GLRX: variants seen among roughly 807,000 people sequenced by gnomAD.
GLRX encodes the protein glutaredoxin.
Under a neutral mutation model 11.1 loss-of-function variants are expected in GLRX, and 9 were observed. The ratio of observed to expected loss-of-function variants is 0.81; its 90% CI spans 0.49 to 1.42. The LOEUF is 1.42. Ranked by LOEUF, GLRX falls within the 40% of genes most tolerant of loss-of-function variation. The pLI, the probability that GLRX is intolerant of heterozygous loss-of-function variation, is 0.00. For synonymous variants in GLRX, 49 were observed against 49.5 expected, an observed-to-expected ratio of 0.99 and a Z score of 0.04; for missense variants, 102 against 126.2, an observed-to-expected ratio of 0.81 and a Z score of 0.92.
At chr5:95,822,371 G>A (rs1024543900) in intron 1 of GLRX, 85 bp downstream of exon 1, 10 of 832,276 alleles carry the variant, frequency 1.2e-5, no homozygotes, top group Non-Finnish European at 1.7e-5. Flanking sequence ...GTACGGAGCC[G>A]CAGCCTTATC....
intron 1 of GLRX, chr5:95,818,006 T>A (rs1747071846): frequency 6.6e-6 from 1 of 152,104 alleles, no homozygotes; most frequent in Admixed American, 6.5e-5. Flanking sequence ...AGTCTAAAAA[T>A]TAAAAACAAA....
rs1306369800 is a variant in GLRX, at chr5:95,822,668, T to C, written c.-6A>G. 5.0e-6 allele frequency: 8 copies of C among 1,612,812 alleles called. No homozygotes were observed. Among genetic ancestry groups the C allele is most frequent in the South Asian group, 4.4e-5 (4 of 91,050 alleles). ...TTCACAAACTCTTGAGCCATGCCGA[T>C]GGGCTGCGGTCTCCCCGGGAAGAAT... On this transcript the variant is annotated 5_prime_UTR_variant, in exon 1 of 3. Coordinates refer to ENST00000237858, the MANE Select transcript of GLRX (RefSeq NM_001118890.2).
intron 1 of GLRX, chr5:95,818,096 C>T (rs1747075150): frequency 6.6e-6 from 1 of 152,208 alleles, no homozygotes; most frequent in Non-Finnish European, 1.5e-5. Context: ...TGGAGCTGCC[C>T]CCCAGCCTCC....
chr5:95,816,987 A>C (rs1747023751), intron 1 of GLRX: 1 of 176,852 alleles, frequency 5.7e-6, no homozygotes, highest in Non-Finnish European at 1.2e-5. Context: ...CACACCTAAG[A>C]TTGTAAACTG....
At chr5:95,822,370 C>T (rs1747274460) in intron 1 of GLRX, 86 bp downstream of exon 1, 2 of 1,137,966 alleles carry the variant, frequency 1.8e-6, no homozygotes, top group Non-Finnish European at 2.7e-6. Context: ...AGTACGGAGC[C>T]GCAGCCTTAT....
intron 1 of GLRX, among the ~76,000 whole-genome samples, chr5:95,822,021 G>T (rs1299802219): frequency 6.6e-6 from 1 of 152,130 alleles, no homozygotes; most frequent in East Asian, 1.9e-4. Flanking sequence ...ATTAGAAAAA[G>T]AAAGCCTAGA....
chr5:95,817,188 G>A (rs1431489629), intron 1 of GLRX: 1 of 153,036 alleles, frequency 6.5e-6, no homozygotes, highest in African/African-American at 2.4e-5. Context: ...GCTGAGGTGG[G>A]AGGGTCGCTT....
At chr5:95,817,854 G>C in intron 1 of GLRX, 1 of 152,190 alleles carries the variant, frequency 6.6e-6, no homozygotes, top group East Asian at 1.9e-4. Flanking sequence ...AAAGCTTTGG[G>C]CTTTCCTCAG....
chr5:95,819,383 G>A (rs1157007908), intron 1 of GLRX: 1 of 152,182 alleles, frequency 6.6e-6, no homozygotes, highest in Non-Finnish European at 1.5e-5. Context: ...GCCCAAAGAA[G>A]TTCTTCAGAG....
At chr5:95,822,242 T>TC in intron 1 of GLRX, 1 of 587,462 alleles carries the variant, frequency 1.7e-6, no homozygotes, top group South Asian at 2.0e-5. Flanking sequence ...CTGTACTCCC[T>TC]CTTCTGCCCC....
At chr5:95,815,652 T>A (rs955606009) in intron 2 of GLRX, among the ~76,000 whole-genome samples, 1 of 152,202 alleles carries the variant, frequency 6.6e-6, no homozygotes, top group African/African-American at 2.4e-5. Flanking sequence ...GCTGGGGAAC[T>A]GGGGGAGGGA....
At chr5:95,820,687 A>C (rs1194580194) in intron 1 of GLRX, among the ~76,000 whole-genome samples, 1 of 129,406 alleles carries the variant, frequency 7.7e-6, no homozygotes, top group Non-Finnish European at 1.7e-5. Context: ...GCGAAATTCC[A>C]TCTCAAAAAA....
intron 1 of GLRX, 36 bp from the exon 2 acceptor site, chr5:95,816,662 A>G: frequency 1.0e-6 from 1 of 957,822 alleles, no homozygotes. Flanking sequence ...TTACTACATT[A>G]CTAGATTAGA....
chr5:95,820,863 C>A (rs771319715), intron 1 of GLRX, among the ~76,000 whole-genome samples: 2 of 151,398 alleles, frequency 1.3e-5, no homozygotes, highest in Non-Finnish European at 2.9e-5. Flanking sequence ...CCCGTTTAAT[C>A]CCAGCACTTT....
chr5:95,821,489 A>G (rs187309167), intron 1 of GLRX, among the ~76,000 whole-genome samples: 4 of 152,310 alleles, frequency 2.6e-5, no homozygotes, highest in Non-Finnish European at 4.4e-5. Context: ...ACAACCTCCA[A>G]TGCTTTATAC....
intron 2 of GLRX, chr5:95,814,881 A>G (rs1485572442): frequency 6.2e-6 from 1 of 161,950 alleles, no homozygotes; most frequent in Non-Finnish European, 1.5e-5. Flanking sequence ...GTGCCCCCAA[A>G]TTCATCCACC....
chr5:95,820,517 T>C (rs1747191449), intron 1 of GLRX, among the ~76,000 whole-genome samples: 1 of 151,638 alleles, frequency 6.6e-6, no homozygotes, highest in African/African-American at 2.4e-5. Flanking sequence ...GAGACCAGGT[T>C]GGCCAGCATG....
Position 95,820,640 on chromosome 5 carries a change from A to G in GLRX, c.207+1816T>C, listed in dbSNP as rs549555438. 5.9e-5 allele frequency among the ~76,000 whole-genome samples: 9 copies of G among 151,772 alleles called. No individual in the cohort carries two copies. In the South Asian group the frequency reaches 1.3e-3, roughly 21 times the overall value. On this transcript the variant is annotated intron_variant, in intron 1 of 2. Transcript: ENST00000237858. ...TGGGCGGTGGAGGTTGCAGTAAGCC[A>G]AAATCACACCACTGCACTCCAGCCT...
At chr5:95,820,791 G>A (rs1405026932) in intron 1 of GLRX, among the ~76,000 whole-genome samples, 1 of 151,722 alleles carries the variant, frequency 6.6e-6, no homozygotes, top group African/African-American at 2.4e-5. Context: ...AATCCCAATT[G>A]TGTTGCACAT....
Sources: allele counts gnomAD v4.1 joint callset (sites outside exome capture counted in the v4.1 genomes callset), GRCh38; gene constraint gnomAD v4.1.1; transcripts MANE v1.5; gene names NCBI Gene and HGNC (gene_info 2026-07-23, HGNC 2026-07-21).